The following PCDHA6 variants were observed in gnomAD, a reference collection of about 807,000 sequenced individuals.
The protein encoded by PCDHA6 is protocadherin alpha 6, also known as protocadherin alpha-6.
PCDHA6 carries 55 observed loss-of-function variants against 60.3 expected under a neutral mutation model. The ratio of observed to expected loss-of-function variants is 0.91; its 90% CI spans 0.73 to 1.14. PCDHA6 has a LOEUF of 1.14. Ranked by LOEUF, PCDHA6 falls within the 50% of genes most tolerant of loss-of-function variation. PCDHA6 has a pLI of 0.00. For missense variants in PCDHA6, 1,327 were observed against 1,256.5 expected (o/e 1.06, Z -0.85); for synonymous variants, 652 against 557.9 (o/e 1.17, Z -2.38).
chr5:140,923,305 G>A (rs552769255), intron 1 of PCDHA6, among the ~76,000 whole-genome samples: 3 of 152,304 alleles, frequency 2.0e-5, no homozygotes, highest in South Asian at 2.1e-4. Context: ...GGGCGTGGGG[G>A]CGCTTGGCCT....
intron 1 of PCDHA6, among the ~76,000 whole-genome samples, chr5:140,889,253 G>A (rs1272394693): frequency 6.6e-6 from 1 of 151,724 alleles, no homozygotes; most frequent in Non-Finnish European, 1.5e-5. Flanking sequence ...TCTGTTTCCT[G>A]TAAAAGTTTG....
chr5:140,834,402 T>A (rs2150216661), intron 1 of PCDHA6: 1 of 1,606,068 alleles, frequency 6.2e-7, no homozygotes, highest in Non-Finnish European at 8.5e-7. Context: ...CCCGAATGGA[T>A]ACGACCCAGG....
intron 1 of PCDHA6, chr5:140,837,034 CA>C (rs1275665516): frequency 5.8e-5 from 13 of 223,608 alleles, no homozygotes; most frequent in South Asian, 2.6e-4. Context: ...AGTGTATTTA[CA>C]AAATCAAATA....
intron 1 of PCDHA6, chr5:140,847,418 T>C (rs1171051220): frequency 6.7e-6 from 1 of 149,686 alleles, no homozygotes; most frequent in Non-Finnish European, 1.5e-5. Context: ...CTCACGGTTT[T>C]GCCTTTAGAC....
chr5:141,009,892 G>GTTT lies in PCDHA6; in HGVS notation c.2808_2809insTTT (p.Glu936_Lys937insPhe). 6.2e-7 allele frequency: 1 copy of GTTT among 1,612,140 alleles called. No individual in the cohort carries two copies. Among genetic ancestry groups the GTTT allele is most frequent in the Non-Finnish European group, 8.5e-7 (1 of 1,179,578 alleles). ...AGAAGAAGGGTAACAAGACCCAGGAGAAAAAAGAGAAAGGGAACAGCACGA... is the reference window on the plus strand; with the variant it reads ...AGAAGAAGGGTAACAAGACCCAGGAGTTTAAAAAAGAGAAAGGGAACAGCACGA... On this transcript the variant is annotated inframe_insertion, in exon 4 of 4. Transcript: ENST00000529310.
chr5:140,843,678 G>A, intron 1 of PCDHA6: 2 of 1,591,412 alleles, frequency 1.3e-6, no homozygotes, highest in Non-Finnish European at 1.7e-6. Flanking sequence ...GTTGATGTAG[G>A]CGAAGAGCAA....
chr5:140,834,888 A>G (rs2150228712), intron 1 of PCDHA6: 2 of 1,605,238 alleles, frequency 1.2e-6, no homozygotes, highest in African/African-American at 1.4e-5. Context: ...CGCCCTGCTC[A>G]CTTACAGACT....
At chr5:140,869,908 C>T (rs189065461) in intron 1 of PCDHA6, 51 of 1,610,528 alleles carry the variant, frequency 3.2e-5, no homozygotes, top group African/African-American at 2.4e-4. Flanking sequence ...CGCCACAGAC[C>T]GAGACGAAGG....
chr5:140,847,382 C>T (rs2150399833), intron 1 of PCDHA6: 1 of 149,622 alleles, frequency 6.7e-6, no homozygotes, highest in South Asian at 2.1e-4. Context: ...GATAAATATG[C>T]AAAAACATTA....
At chr5:140,881,469 T>C (rs879988017) in intron 1 of PCDHA6, 3 of 570,626 alleles carry the variant, frequency 5.3e-6, no homozygotes, top group Non-Finnish European at 6.7e-6. Context: ...AGCATTGTTG[T>C]GGCTAAATTA....
At chr5:140,995,647 A>G (rs1419237450) in intron 3 of PCDHA6, among the ~76,000 whole-genome samples, 2 of 152,202 alleles carry the variant, frequency 1.3e-5, no homozygotes, top group African/African-American at 4.8e-5. Context: ...TTAGAAAAGG[A>G]GAATCGAAAA....
intron 1 of PCDHA6, chr5:140,836,303 G>C: frequency 6.2e-7 from 1 of 1,613,706 alleles, no homozygotes; most frequent in East Asian, 2.2e-5. Flanking sequence ...TAGATGAGAC[G>C]GACGCACCGC....
chr5:140,967,487 G>A lies in PCDHA6; in HGVS notation c.2395-11462G>A, dbSNP rs781929483. 60 of 1,613,172 alleles carry A rather than the reference G, an allele frequency of 3.7e-5. No individual in the cohort carries two copies. The highest frequency in any genetic ancestry group is 5.0e-5 in the Non-Finnish European group (59 of 1,179,674). ...GGGCATCCCAGCCCGCTCGGGTACG[G>A]CACAGATCTCTGTGCGTGTCCTGGA... On this transcript the variant is annotated intron_variant, in intron 1 of 3. Coordinates refer to ENST00000529310, the MANE Select transcript of PCDHA6 (RefSeq NM_018909.4).
At position 140,968,170 on chromosome 5, in the gene PCDHA6, C is replaced by T. The variant is rs1554230457; in HGVS notation, c.2395-10779C>T. 3 of 1,614,132 alleles carry T rather than the reference C, an allele frequency of 1.9e-6. No homozygotes were observed. In the South Asian group the frequency reaches 3.3e-5, roughly 18 times the overall value. On this transcript the variant is annotated intron_variant, in intron 1 of 3. Transcript: ENST00000529310. ...CTGACATCAATGACAATCCACCAAG[C>T]TTCCTGGAGGACTCCTATTCCATCT...
In PCDHA6 at chr5:140,829,501, G is replaced by A. The variant is rs2150169011; in HGVS notation, c.1410G>A (p.Pro470=). The part of the protein sequence containing the change: ...YTVFVKENNP[P]GCHIFTVSAR... ...TGTTCGTGAAGGAGAACAACCCGCC[G>A]GGCTGCCACATCTTCACGGTGTCTG... The change falls in exon 1 of 4, where the codon CCG becomes CCA. Residue 470 remains proline, a synonymous_variant. Coordinates refer to ENST00000529310, the MANE Select transcript of PCDHA6 (RefSeq NM_018909.4). 4.3e-6 allele frequency: 7 copies of A among 1,613,442 alleles called. No homozygotes were observed. Among genetic ancestry groups the A allele is most frequent in the Middle Eastern group, 1.8e-4 (1 of 5,692 alleles).
intron 3 of PCDHA6, among the ~76,000 whole-genome samples, chr5:140,988,042 T>C (rs1365233473): frequency 1.3e-5 from 2 of 152,212 alleles, no homozygotes. Context: ...AGAATCTGTT[T>C]AGGAGCACTG....
At chr5:140,842,773 G>C in intron 1 of PCDHA6, 1 of 1,594,638 alleles carries the variant, frequency 6.3e-7, no homozygotes. Flanking sequence ...ACGCGGACGC[G>C]CAGGAGAACG....
chr5:140,856,934 G>A, intron 1 of PCDHA6: 1 of 1,593,752 alleles, frequency 6.3e-7, no homozygotes. Context: ...TTGGATAAAC[G>A]AAAGGACGGG....
At chr5:140,862,293 C>A in intron 1 of PCDHA6, 1 of 268,596 alleles carries the variant, frequency 3.7e-6, no homozygotes, top group Non-Finnish European at 7.3e-6. Flanking sequence ...CAGGAGGACG[C>A]TCCACTGGGT....
Sources: gnomAD v4.1 joint callset for allele counts (sites outside exome capture counted in the v4.1 genomes callset) on GRCh38, gnomAD v4.1.1 for gene constraint, MANE v1.5 for transcripts, NCBI Gene and HGNC (gene_info 2026-07-23, HGNC 2026-07-21) for gene names.